Variants in RELB observed in about 807,000 individuals in gnomAD.
The protein encoded by RELB is RELB proto-oncogene, NF-kB subunit, also known as transcription factor RelB.
Under a neutral mutation model 55.4 loss-of-function variants are expected in RELB, and 14 were observed. The ratio of observed to expected loss-of-function variants is 0.25; its 90% CI spans 0.17 to 0.40. The LOEUF (loss-of-function observed/expected upper bound fraction) is 0.40, where lower values mean the gene tolerates loss of function less well. RELB is among the 10% of genes least tolerant of loss of function. RELB has a pLI of 1.00. For missense variants in RELB, 669 were observed against 830.7 expected (o/e 0.81, Z 2.39); for synonymous variants, 409 against 371.3 (o/e 1.10, Z -1.17).
chr19:45,034,591 G>T, intron 11 of RELB, 63 bp downstream of exon 11: 1 of 1,433,404 alleles, frequency 7.0e-7, no homozygotes, highest in South Asian at 1.2e-5. Context: ...TGGCAGCCCT[G>T]CTTTTCTGGC....
At chr19:45,011,265 C>T (rs991162405) in intron 3 of RELB, among the ~76,000 whole-genome samples, 5 of 152,024 alleles carry the variant, frequency 3.3e-5, no homozygotes, top group African/African-American at 9.7e-5. Context: ...CGGTTTCAAG[C>T]GATTCTCCTG....
At chr19:45,017,312 T>C (rs1971430488) in intron 4 of RELB, among the ~76,000 whole-genome samples, 1 of 152,012 alleles carries the variant, frequency 6.6e-6, no homozygotes, top group African/African-American at 2.4e-5. Context: ...TGGCTTCACT[T>C]GCTATATCTT....
At chr19:45,002,674 A>C (rs1971228565) in intron 1 of RELB, among the ~76,000 whole-genome samples, 1 of 152,010 alleles carries the variant, frequency 6.6e-6, no homozygotes, top group African/African-American at 2.4e-5. Context: ...TTTTAAACTG[A>C]GATTGAGATG....
chr19:45,017,654 T>C (rs1971436419), intron 4 of RELB, among the ~76,000 whole-genome samples: 1 of 151,274 alleles, frequency 6.6e-6, no homozygotes, highest in African/African-American at 2.4e-5. Context: ...GATGAATTTG[T>C]TATTATTCCT....
chr19:45,001,715 T>A, intron 1 of RELB, 30 bp downstream of exon 1: 3 of 1,389,798 alleles, frequency 2.2e-6, no homozygotes, highest in Non-Finnish European at 2.9e-6. Context: ...AGGAGAGGGG[T>A]CTGGGGCGGG....
chr19:45,031,537 G>T (rs1374226470), intron 8 of RELB, among the ~76,000 whole-genome samples: 1 of 152,156 alleles, frequency 6.6e-6, no homozygotes, highest in Non-Finnish European at 1.5e-5. Context: ...CCACCTGAGG[G>T]TGATCTTGAG....
In RELB at chr19:45,032,677, G is replaced by A. The variant is rs762213313; in HGVS notation, c.1135G>A (p.Val379Ile). 12 of 1,611,452 alleles carry A rather than the reference G, an allele frequency of 7.4e-6. No individual in the cohort carries two copies. Among genetic ancestry groups the A allele is most frequent in the East Asian group, 2.2e-5 (1 of 44,790 alleles). The change falls in exon 9 of 12, where the codon GTC (valine) becomes ATC (isoleucine). Residue 379 changes from valine to isoleucine, a missense_variant. Coordinates refer to ENST00000221452, the MANE Select transcript of RELB (RefSeq NM_006509.4). ...LEIVEPVTVN[V>I]FLQRLTDGVC... Reference sequence around the variant, plus strand: ...GATTGTCGAGCCCGTGACAGTCAACGTCTTCCTGCAGCGGCTCACCGATGG... The same window carrying A: ...GATTGTCGAGCCCGTGACAGTCAACATCTTCCTGCAGCGGCTCACCGATGG...
At chr19:45,023,609 T>C (rs1035169583) in intron 5 of RELB, among the ~76,000 whole-genome samples, 1 of 151,020 alleles carries the variant, frequency 6.6e-6, no homozygotes, top group African/African-American at 2.4e-5. Context: ...GGCTATTTTT[T>C]TTGTATTTTT....
chr19:45,027,522 G>A (rs1971573190), intron 7 of RELB, among the ~76,000 whole-genome samples: 1 of 152,042 alleles, frequency 6.6e-6, no homozygotes, highest in Non-Finnish European at 1.5e-5. Context: ...TAAAGTCTCA[G>A]GTCTATCTCT....
intron 2 of RELB, among the ~76,000 whole-genome samples, chr19:45,004,321 C>T (rs180875426): frequency 2.0e-5 from 3 of 147,036 alleles, no homozygotes; most frequent in Non-Finnish European, 3.0e-5. Context: ...CTCTCAGGTT[C>T]GAGCAATTCT....
intron 7 of RELB, among the ~76,000 whole-genome samples, chr19:45,028,423 C>A (rs1006586337): frequency 2.6e-5 from 4 of 152,048 alleles, no homozygotes; most frequent in African/African-American, 9.7e-5. Flanking sequence ...AATCTCAGCT[C>A]CCTGCAACCC....
intron 5 of RELB, 58 bp downstream of exon 5, chr19:45,022,268 G>A: frequency 6.7e-7 from 1 of 1,488,046 alleles, no homozygotes; most frequent in Non-Finnish European, 9.0e-7. Context: ...CTAAGCGACT[G>A]GAGGCCACCC....
At chr19:45,030,768 G>C (rs2122483462) in intron 8 of RELB, among the ~76,000 whole-genome samples, 1 of 152,320 alleles carries the variant, frequency 6.6e-6, no homozygotes, top group South Asian at 2.1e-4. Flanking sequence ...CCGCACTGCA[G>C]CCTGGGCAAT....
chr19:45,010,057 T>C (rs375407373), intron 3 of RELB, among the ~76,000 whole-genome samples: 26 of 152,092 alleles, frequency 1.7e-4, no homozygotes, highest in African/African-American at 6.0e-4. Context: ...CCTGGCACTT[T>C]GGGAGGCAGA....
chr19:45,008,182 A>G lies in RELB; in HGVS notation c.155-1632A>G, dbSNP rs566026396. On this transcript the variant is annotated intron_variant, in intron 2 of 11. Transcript: ENST00000221452. ...AAGACTCCGTCTCAAAAAAATAAAA[A>G]TAAATAAAATAAAATAAAATAAAAT... Among the ~76,000 whole-genome samples the G allele has an allele frequency of 2.1e-3, 319 of 151,774 alleles. 1 individual carries two copies. The highest frequency in any genetic ancestry group is 7.0e-3 in the African/African-American group (292 of 41,456).
intron 4 of RELB, among the ~76,000 whole-genome samples, chr19:45,012,814 C>T (rs547663743): frequency 6.6e-6 from 1 of 151,094 alleles, no homozygotes; most frequent in African/African-American, 2.4e-5. Flanking sequence ...TTTGGGAGGT[C>T]GAGGCGAGCG....
chr19:45,008,652 A>G (rs778618775), intron 2 of RELB: 11 of 408,448 alleles, frequency 2.7e-5, no homozygotes, highest in Non-Finnish European at 5.0e-5. Flanking sequence ...CTACCTTTCA[A>G]GGGGCAAAGG....
rs535229663 is a variant in RELB at position 45,038,082 on chromosome 19, A to G, written c.*292A>G. 3.5e-5 allele frequency: 12 copies of G among 345,188 alleles called. No individual in the cohort carries two copies. The highest frequency in any genetic ancestry group is 2.3e-4 in the African/African-American group (11 of 47,576). 21.4% of individuals were successfully genotyped at this position (345,188 alleles called of 1,614,324 possible). ...CCTTCTCCAGTAGGATTCGGAAAAG[A>G]TTGTACATATGGGAGGAGGGGGCAG... On this transcript the variant is annotated 3_prime_UTR_variant, in exon 12 of 12. Transcript: ENST00000221452.
rs1219163548 is a variant in RELB at position 45,037,748 on chromosome 19, C to A, written c.1698C>A (p.Ala566=). Residue 566 remains alanine, a synonymous_variant, in exon 12 of 12, where the codon GCC becomes GCA. Coordinates refer to ENST00000221452, the MANE Select transcript of RELB (RefSeq NM_006509.4). ...NMFPNHYREA[A]FGGGLLSPGP... is the part of the protein sequence containing the mutation. Reference sequence around the variant, plus strand: ...TCCCCAATCATTACCGCGAGGCGGCCTTTGGGGGCGGCCTCCTATCCCCGG... The same window carrying A: ...TCCCCAATCATTACCGCGAGGCGGCATTTGGGGGCGGCCTCCTATCCCCGG... The A allele has an allele frequency of 3.4e-6, 5 of 1,488,162 alleles. No homozygotes were observed. Among genetic ancestry groups the A allele is most frequent in the Non-Finnish European group, 4.5e-6 (5 of 1,121,754 alleles). 92.2% of individuals were successfully genotyped at this position (1,488,162 alleles called of 1,614,324 possible).
Sources: gnomAD v4.1 joint callset for allele counts (sites outside exome capture counted in the v4.1 genomes callset) on GRCh38, gnomAD v4.1.1 for gene constraint, MANE v1.5 for transcripts, NCBI Gene and HGNC (gene_info 2026-07-23, HGNC 2026-07-21) for gene names.